The following PDE1C variants were observed in gnomAD, a reference collection of about 807,000 sequenced individuals.
PDE1C encodes the protein dual specificity calcium/calmodulin-dependent 3',5'-cyclic nucleotide phosphodiesterase 1C.
In PDE1C, 62 loss-of-function variants were observed where a neutral mutation model predicts 93.1. That is an observed-to-expected ratio of 0.67 (90% confidence interval 0.54 to 0.82). PDE1C has a LOEUF of 0.82. Among genes scored for constraint, PDE1C ranks in the 40% least tolerant of loss-of-function variants. The probability of loss-of-function intolerance (pLI) is 0.00; values close to 1 mark genes in which losing one functional copy is unlikely to be tolerated. For missense variants in PDE1C, 742 were observed against 884.6 expected, an observed-to-expected ratio of 0.84 and a Z score of 2.04; for synonymous variants, 325 against 310.1, an observed-to-expected ratio of 1.05 and a Z score of -0.50.
chr7:31,701,306 C>T, the PDE1C span, among the ~76,000 whole-genome samples: 5 of 152,058 alleles, frequency 3.3e-5, no homozygotes, highest in African/African-American at 7.2e-5. Flanking sequence ...CAGTGGAGGA[C>T]GTAACTGCAA....
intron 1 of PDE1C, among the ~76,000 whole-genome samples, chr7:32,251,690 T>TC (rs1190881298): frequency 6.6e-6 from 1 of 152,152 alleles, no homozygotes; most frequent in Admixed American, 6.5e-5. Context: ...ACACTGAATA[T>TC]CATCCATGAA....
intron 1 of PDE1C, among the ~76,000 whole-genome samples, chr7:32,308,949 C>A (rs944826661): frequency 6.6e-6 from 1 of 151,642 alleles, no homozygotes; most frequent in Non-Finnish European, 1.5e-5. Context: ...TCAAACTACT[C>A]CGAGCTACAG....
chr7:31,813,335 C>T (rs76375405), intron 15 of PDE1C, among the ~76,000 whole-genome samples: 4,135 of 152,222 alleles, frequency 0.027, 66 homozygotes, highest in East Asian at 0.068. Flanking sequence ...TTCTGTCACT[C>T]TAGAAGCAGC....
upstream of PDE1C, among the ~76,000 whole-genome samples, chr7:32,300,289 C>G (rs1812850129): frequency 6.6e-6 from 1 of 152,182 alleles, no homozygotes; most frequent in South Asian, 2.1e-4. Context: ...GTTATAAATT[C>G]TCTCAGGAAA....
intron 1 of PDE1C, among the ~76,000 whole-genome samples, chr7:32,399,020 G>A (rs1784892825): frequency 6.6e-6 from 1 of 152,176 alleles, no homozygotes; most frequent in Non-Finnish European, 1.5e-5. Context: ...AACTGGGGGA[G>A]GGGCCCTGAT....
chr7:31,804,917 T>G (rs1786618860), intron 16 of PDE1C, among the ~76,000 whole-genome samples: 1 of 151,826 alleles, frequency 6.6e-6, no homozygotes, highest in African/African-American at 2.4e-5. Context: ...GTGATATGGT[T>G]GGCTGTGTCC....
intron 7 of PDE1C, among the ~76,000 whole-genome samples, chr7:31,856,916 T>A (rs1794093209): frequency 6.6e-6 from 1 of 152,170 alleles, no homozygotes; most frequent in African/African-American, 2.4e-5. Context: ...TGTTTTCTCC[T>A]GAGACCTCTC....
intron 2 of PDE1C, among the ~76,000 whole-genome samples, chr7:32,175,630 T>C (rs142220408): frequency 1.3e-5 from 2 of 152,232 alleles, no homozygotes; most frequent in Non-Finnish European, 2.9e-5. Context: ...CAGCTGCTAA[T>C]TGATTTAGAC....
intron 1 of PDE1C, among the ~76,000 whole-genome samples, chr7:32,059,120 G>A (rs1426699499): frequency 1.3e-5 from 2 of 152,124 alleles, no homozygotes; most frequent in Non-Finnish European, 1.5e-5. Context: ...TCTTAGAAAA[G>A]GAAGATCATA....
At chr7:31,732,595 C>A in the PDE1C span, among the ~76,000 whole-genome samples, 1 of 149,800 alleles carries the variant, frequency 6.7e-6, no homozygotes, top group African/African-American at 2.5e-5. Flanking sequence ...TCACATAGGC[C>A]AATTCCTTTA....
chr7:32,390,877 C>A (rs969108028), intron 1 of PDE1C, among the ~76,000 whole-genome samples: 5 of 151,496 alleles, frequency 3.3e-5, no homozygotes, highest in African/African-American at 4.9e-5. Flanking sequence ...AAATAAAACT[C>A]AAAAAATTAT....
intron 1 of PDE1C, among the ~76,000 whole-genome samples, chr7:32,288,149 G>C (rs1194737518): frequency 6.6e-6 from 1 of 152,066 alleles, no homozygotes; most frequent in East Asian, 1.9e-4. Flanking sequence ...GTGAGACTCC[G>C]TCTTAAAAAA....
the PDE1C span, chr7:31,696,982 T>G: frequency 8.7e-6 from 14 of 1,613,974 alleles, no homozygotes; most frequent in Admixed American, 1.7e-5. Flanking sequence ...TTCAGAACAT[T>G]TAATTAAAAG....
At chr7:31,685,379 T>C in the PDE1C span, among the ~76,000 whole-genome samples, 3 of 152,206 alleles carry the variant, frequency 2.0e-5, no homozygotes, top group African/African-American at 7.2e-5. Flanking sequence ...TATTGTAGGA[T>C]AGTTTCATAA....
At chr7:32,006,972 C>T (rs770599669) in intron 2 of PDE1C, among the ~76,000 whole-genome samples, 1 of 152,156 alleles carries the variant, frequency 6.6e-6, no homozygotes, top group East Asian at 1.9e-4. Flanking sequence ...AGAGGACTCC[C>T]TACCTCCCCC....
intron 2 of PDE1C, among the ~76,000 whole-genome samples, chr7:32,005,740 A>G (rs1169419024): frequency 6.6e-6 from 1 of 151,938 alleles, no homozygotes; most frequent in African/African-American, 2.4e-5. Flanking sequence ...GAAGAGTAGA[A>G]CTAGAATAGA....
At chr7:31,888,249 C>CAAAAAAAAAA (rs34112969) in intron 2 of PDE1C, among the ~76,000 whole-genome samples, 25 of 44,204 alleles carry the variant, frequency 5.7e-4, no homozygotes, top group African/African-American at 1.9e-3. Context: ...GACTCAGTCT[C>CAAAAAAAAAA]AAAAAAAAAA....
intron 1 of PDE1C, among the ~76,000 whole-genome samples, chr7:32,403,287 C>A (rs575057746): frequency 2.4e-4 from 36 of 152,194 alleles, no homozygotes; most frequent in Non-Finnish European, 4.3e-4. Flanking sequence ...GCTTCCTGAA[C>A]AGCTGTGTGA....
intron 2 of PDE1C, among the ~76,000 whole-genome samples, chr7:31,904,908 T>A (rs1800403358): frequency 6.6e-6 from 1 of 152,148 alleles, no homozygotes; most frequent in African/African-American, 2.4e-5. Context: ...ATTATTCAAC[T>A]AATAAACATG....
Sources: allele counts gnomAD v4.1 joint callset (sites outside exome capture counted in the v4.1 genomes callset), GRCh38; gene constraint gnomAD v4.1.1; transcripts MANE v1.5; gene names NCBI Gene and HGNC (gene_info 2026-07-23, HGNC 2026-07-21).